AFG2A: variants seen among roughly 807,000 people sequenced by gnomAD.
AFG2A encodes ATPase family gene 2 protein homolog A.
At chr4:122,986,606 G>A in the AFG2A span, among the ~76,000 whole-genome samples, 4 of 152,180 alleles carry the variant, frequency 2.6e-5, no homozygotes, top group East Asian at 1.9e-4. Context: ...AAGAATGGGA[G>A]GGGGGTGAGG....
the AFG2A span, among the ~76,000 whole-genome samples, chr4:123,230,977 T>G: frequency 6.6e-6 from 1 of 151,992 alleles, no homozygotes; most frequent in African/African-American, 2.4e-5. Flanking sequence ...AAGTGTTGTC[T>G]TGCAGGCTTG....
chr4:123,002,431 A>G, the AFG2A span, among the ~76,000 whole-genome samples: 1 of 152,182 alleles, frequency 6.6e-6, no homozygotes, highest in Non-Finnish European at 1.5e-5. Context: ...ATGATTTTGC[A>G]GCGGCTGGTA....
chr4:123,068,721 A>G, the AFG2A span, among the ~76,000 whole-genome samples: 3 of 102,700 alleles, frequency 2.9e-5, no homozygotes, highest in African/African-American at 1.1e-4. Flanking sequence ...TGCCTAGCAA[A>G]GATGCACACA....
the AFG2A span, among the ~76,000 whole-genome samples, chr4:122,925,235 T>G: frequency 2.0e-5 from 3 of 152,296 alleles, 1 homozygote; most frequent in South Asian, 6.2e-4. Flanking sequence ...TCCCACTGTT[T>G]CTACCTTAAT....
chr4:123,200,645 A>G, the AFG2A span, among the ~76,000 whole-genome samples: 2 of 152,216 alleles, frequency 1.3e-5, no homozygotes, highest in South Asian at 4.1e-4. Context: ...GGTTGCACTG[A>G]GAAGGCAAGC....
the AFG2A span, among the ~76,000 whole-genome samples, chr4:123,136,685 A>AT: frequency 2.2e-3 from 326 of 150,324 alleles, no homozygotes; most frequent in Admixed American, 6.3e-3. Context: ...AAAAAAAAAA[A>AT]ATATATATTA....
the AFG2A span, among the ~76,000 whole-genome samples, chr4:122,969,254 C>A: frequency 7.9e-5 from 12 of 151,986 alleles, no homozygotes; most frequent in South Asian, 2.5e-3. Context: ...CTTCTTGATG[C>A]TTTTATTGTT....
At chr4:123,097,642 G>A in the AFG2A span, among the ~76,000 whole-genome samples, 2 of 152,080 alleles carry the variant, frequency 1.3e-5, no homozygotes, top group South Asian at 4.1e-4. Flanking sequence ...AAAACTCCAG[G>A]TGTTTTAACT....
At chr4:123,107,945 C>T in the AFG2A span, among the ~76,000 whole-genome samples, 2 of 152,200 alleles carry the variant, frequency 1.3e-5, no homozygotes, top group Non-Finnish European at 2.9e-5. Flanking sequence ...CACTTCTGAG[C>T]CTGCAGGGGC....
chr4:123,116,135 A>G, the AFG2A span, among the ~76,000 whole-genome samples: 1 of 152,042 alleles, frequency 6.6e-6, no homozygotes, highest in Admixed American at 6.5e-5. Context: ...CCAGGCTCTC[A>G]CAGTCCTCCT....
At chr4:122,944,266 A>G in the AFG2A span, among the ~76,000 whole-genome samples, 137,700 of 151,730 alleles carry the variant, frequency 0.91, 62,714 homozygotes, top group East Asian at 0.96. Flanking sequence ...GTCACTTTCA[A>G]GTACACCAAT....
chr4:123,095,030 C>CAAAA, the AFG2A span, among the ~76,000 whole-genome samples: 1,545 of 35,184 alleles, frequency 0.044, 50 homozygotes, highest in African/African-American at 0.052. Context: ...TCCCTCCCCA[C>CAAAA]AAAAAAAAAA....
At chr4:123,148,176 A>G in the AFG2A span, among the ~76,000 whole-genome samples, 1 of 152,224 alleles carries the variant, frequency 6.6e-6, no homozygotes, top group Admixed American at 6.5e-5. Context: ...TCTGGAAATT[A>G]CATCCTTTAC....
chr4:123,189,809 CTTTTTTT>C, the AFG2A span, among the ~76,000 whole-genome samples: 15 of 61,778 alleles, frequency 2.4e-4, no homozygotes, highest in Admixed American at 1.4e-3. Flanking sequence ...AGGTCATTTG[CTTTTTTT>C]TTTTTTTTTT....
chr4:123,018,301 T>G, the AFG2A span, among the ~76,000 whole-genome samples: 4 of 152,176 alleles, frequency 2.6e-5, no homozygotes, highest in South Asian at 8.3e-4. Flanking sequence ...CAAAATAAGA[T>G]CGGATGCAAA....
chr4:123,134,401 C>CA, the AFG2A span, among the ~76,000 whole-genome samples: 1 of 152,114 alleles, frequency 6.6e-6, no homozygotes, highest in Non-Finnish European at 1.5e-5. Flanking sequence ...CATCAAAAAT[C>CA]AATTGACTAT....
At chr4:123,156,330 T>C in the AFG2A span, among the ~76,000 whole-genome samples, 1 of 151,704 alleles carries the variant, frequency 6.6e-6, no homozygotes, top group Non-Finnish European at 1.5e-5. Flanking sequence ...TGTTAAAAGA[T>C]GGGGTCTAGG....
chr4:123,026,628 T>C, the AFG2A span, among the ~76,000 whole-genome samples: 9 of 152,228 alleles, frequency 5.9e-5, no homozygotes, highest in African/African-American at 1.9e-4. Context: ...ACTGTACTTA[T>C]GTTATAAAGC....
the AFG2A span, among the ~76,000 whole-genome samples, chr4:123,164,673 A>G: frequency 1.3e-5 from 2 of 152,214 alleles, no homozygotes; most frequent in Non-Finnish European, 1.5e-5. Context: ...TTTAGATTCT[A>G]ATTGAAGTCT....
Sources: allele counts gnomAD v4.1 joint callset (sites outside exome capture counted in the v4.1 genomes callset), GRCh38; gene constraint gnomAD v4.1.1; transcripts MANE v1.5; gene names NCBI Gene and HGNC (gene_info 2026-07-23, HGNC 2026-07-21).